Variants in PRKCQ observed in about 807,000 individuals in gnomAD.
The protein encoded by PRKCQ is protein kinase C theta.
Under a neutral mutation model 91.2 loss-of-function variants are expected in PRKCQ, and 41 were observed. The ratio of observed to expected loss-of-function variants is 0.45; its 90% confidence interval spans 0.35 to 0.58. PRKCQ has a LOEUF of 0.58. Among genes scored for constraint, PRKCQ ranks in the 20% least tolerant of loss-of-function variants. PRKCQ has a pLI of 0.00. For synonymous variants in PRKCQ, 307 were observed against 316.9 expected (o/e 0.97, Z 0.33); for missense variants, 673 against 896.5 (o/e 0.75, Z 3.18).
chr10:6,447,645 G>T (rs1050186615), intron 15 of PRKCQ, among the ~76,000 whole-genome samples: 1 of 152,122 alleles, frequency 6.6e-6, no homozygotes, highest in African/African-American at 2.4e-5. Flanking sequence ...ACTCTGCTAC[G>T]AAATGCATGA....
intron 1 of PRKCQ, among the ~76,000 whole-genome samples, chr10:6,541,912 T>G (rs1343739461): frequency 1.3e-5 from 2 of 152,248 alleles, no homozygotes; most frequent in Non-Finnish European, 2.9e-5. Context: ...CAAATGATTT[T>G]TTTTCTTCTC....
At chr10:6,529,261 A>C (rs1257733438) in intron 1 of PRKCQ, among the ~76,000 whole-genome samples, 1 of 152,220 alleles carries the variant, frequency 6.6e-6, no homozygotes, top group Non-Finnish European at 1.5e-5. Context: ...ATAATCACTT[A>C]CTAGACACAA....
At chr10:6,561,664 G>A (rs1043393058) in intron 1 of PRKCQ, among the ~76,000 whole-genome samples, 8 of 152,100 alleles carry the variant, frequency 5.3e-5, no homozygotes, top group South Asian at 2.1e-4. Context: ...TTCTCAGAAC[G>A]GCTCCATAAA....
chr10:6,570,713 C>A (rs894438491), intron 1 of PRKCQ, among the ~76,000 whole-genome samples: 3 of 152,036 alleles, frequency 2.0e-5, no homozygotes, highest in Admixed American at 6.5e-5. Context: ...CGCCAGCACG[C>A]CTGGCTAATT....
At chr10:6,425,833 AATAGACCTTATTT>A (rs1248562619), downstream of PRKCQ, among the ~76,000 whole-genome samples, 8 of 152,178 alleles carry the variant, frequency 5.3e-5, no homozygotes, top group Admixed American at 4.6e-4. Context: ...CCAAATGATG[AATAGACCTTATTT>A]TGGTCTAGTG....
chr10:6,561,073 T>G (rs1393408786), intron 1 of PRKCQ, among the ~76,000 whole-genome samples: 1 of 151,138 alleles, frequency 6.6e-6, no homozygotes. Flanking sequence ...TTCAAATTGC[T>G]GACTAAAAAA....
At chr10:6,399,792 G>GC in the PRKCQ span, among the ~76,000 whole-genome samples, 1 of 146,826 alleles carries the variant, frequency 6.8e-6, no homozygotes, top group Non-Finnish European at 1.5e-5. Flanking sequence ...TGATGAAAAA[G>GC]TTCTCCAGGC....
chr10:6,538,400 T>G (rs988815898), intron 1 of PRKCQ, among the ~76,000 whole-genome samples: 16 of 152,394 alleles, frequency 1.0e-4, no homozygotes, highest in African/African-American at 3.8e-4. Flanking sequence ...GAATGACCTC[T>G]TAGCAGAGAG....
At chr10:6,446,653 A>ACCATGCCCGGC (rs550180840) in intron 15 of PRKCQ, among the ~76,000 whole-genome samples, 135 of 152,242 alleles carry the variant, frequency 8.9e-4, no homozygotes, top group African/African-American at 3.1e-3. Context: ...GGCATGAGCC[A>ACCATGCCCGGC]CCATGCCCGG....
the PRKCQ span, among the ~76,000 whole-genome samples, chr10:6,406,544 G>A: frequency 6.6e-6 from 1 of 151,966 alleles, no homozygotes; most frequent in Admixed American, 6.5e-5. Context: ...TTATTTTAAT[G>A]TTTCAATAAA....
chr10:6,421,761 G>A, the PRKCQ span, among the ~76,000 whole-genome samples: 1 of 152,248 alleles, frequency 6.6e-6, no homozygotes, highest in East Asian at 1.9e-4. The surrounding 1 kb of genome is among the most constrained non-coding windows in gnomAD (Gnocchi z 4.1). Context: ...AAGACACACT[G>A]CACAGCTGGC....
intron 14 of PRKCQ, among the ~76,000 whole-genome samples, chr10:6,457,979 C>T (rs746908726): frequency 1.6e-4 from 24 of 151,946 alleles, no homozygotes; most frequent in Non-Finnish European, 2.9e-4. Flanking sequence ...GAGGTCTTTC[C>T]CTGTCATCCA....
intron 4 of PRKCQ, among the ~76,000 whole-genome samples, chr10:6,500,230 T>C (rs899169449): frequency 1.3e-5 from 2 of 152,134 alleles, no homozygotes; most frequent in Non-Finnish European, 2.9e-5. Context: ...GGTCATTTGT[T>C]TATAACATGT....
At chr10:6,460,972 A>T (rs1205871772) in intron 14 of PRKCQ, among the ~76,000 whole-genome samples, 1 of 148,478 alleles carries the variant, frequency 6.7e-6, no homozygotes, top group Non-Finnish European at 1.5e-5. Flanking sequence ...TCATCCATCC[A>T]CCCATCTGTT....
the PRKCQ span, among the ~76,000 whole-genome samples, chr10:6,398,090 T>G: frequency 6.6e-6 from 1 of 152,378 alleles, no homozygotes; most frequent in East Asian, 1.9e-4. Flanking sequence ...CTCATTCTTT[T>G]GAATGTAGAT....
At chr10:6,399,945 C>A in the PRKCQ span, among the ~76,000 whole-genome samples, 3 of 152,120 alleles carry the variant, frequency 2.0e-5, no homozygotes, top group Non-Finnish European at 4.4e-5. Context: ...GGGGCGGACA[C>A]TGAGTTTAGT....
rs1588697365 is a variant in PRKCQ, at chr10:6,462,821, A to C, written c.1446-456T>G. Among the ~76,000 whole-genome samples the C allele has an allele frequency of 2.0e-5, 3 of 152,270 alleles. No homozygotes were observed. The South Asian group carries it at 6.2e-4, about 32-fold the overall frequency. On this transcript the variant is annotated intron_variant, in intron 13 of 17. Transcript: ENST00000263125. ...GGAGTTCAAGACCAGCATGGGCAAC[A>C]TGGTGAAACACCATCTCTAGTAAAA...
intron 1 of PRKCQ, among the ~76,000 whole-genome samples, chr10:6,516,354 T>G (rs1838755267): frequency 6.6e-6 from 1 of 152,134 alleles, no homozygotes; most frequent in Non-Finnish European, 1.5e-5. Flanking sequence ...TCCTGCAGAG[T>G]TTGGAAGTTT....
intron 1 of PRKCQ, among the ~76,000 whole-genome samples, chr10:6,515,883 G>T (rs1173071906): frequency 6.6e-6 from 1 of 152,092 alleles, no homozygotes. Flanking sequence ...ACAAATCCAG[G>T]AATCTAGTCT....
Sources: allele counts gnomAD v4.1 joint callset (sites outside exome capture counted in the v4.1 genomes callset), GRCh38; gene constraint gnomAD v4.1.1; non-coding constraint Gnocchi (gnomAD v3.1); transcripts MANE v1.5; gene names NCBI Gene and HGNC (gene_info 2026-07-23, HGNC 2026-07-21).